TMEM108: variants seen among roughly 807,000 people sequenced by gnomAD.
The protein encoded by TMEM108 is cancer/testis antigen 124.
Under a neutral mutation model 35.1 loss-of-function variants are expected in TMEM108, and 12 were observed. That is an observed-to-expected ratio of 0.34 (90% CI 0.22 to 0.55). The LOEUF is 0.55. Ranked by LOEUF, TMEM108 falls within the 20% of genes least tolerant of loss-of-function variation. The probability of loss-of-function intolerance (pLI) is 0.89; values close to 1 mark genes in which losing one functional copy is unlikely to be tolerated. For missense variants in TMEM108, 680 were observed against 753.3 expected (o/e 0.90, Z 1.14); for synonymous variants, 287 against 308.6 (o/e 0.93, Z 0.73).
At chr3:133,306,842 G>A (rs1299847236) in intron 3 of TMEM108, among the ~76,000 whole-genome samples, 1 of 152,102 alleles carries the variant, frequency 6.6e-6, no homozygotes, top group African/African-American at 2.4e-5. Flanking sequence ...GTGTGTGTGT[G>A]TGTCTTTATA....
intron 2 of TMEM108, among the ~76,000 whole-genome samples, chr3:133,224,923 T>C (rs908224517): frequency 1.3e-5 from 2 of 152,172 alleles, no homozygotes; most frequent in African/African-American, 4.8e-5. Flanking sequence ...TGCTACCATC[T>C]TTTGGAGTTG....
At chr3:133,118,355 G>A (rs900692826) in intron 2 of TMEM108, among the ~76,000 whole-genome samples, 3 of 151,978 alleles carry the variant, frequency 2.0e-5, no homozygotes, top group Non-Finnish European at 2.9e-5. Context: ...TTTGCCATGT[G>A]TTCATTGAAA....
chr3:133,260,671 T>C (rs922223715), intron 3 of TMEM108, among the ~76,000 whole-genome samples: 36 of 152,140 alleles, frequency 2.4e-4, no homozygotes, highest in African/African-American at 8.5e-4. Flanking sequence ...TGGAAAATTC[T>C]AAACAGATAA....
At chr3:133,254,386 T>A (rs922738880) in intron 3 of TMEM108, among the ~76,000 whole-genome samples, 11 of 152,298 alleles carry the variant, frequency 7.2e-5, no homozygotes, top group African/African-American at 2.6e-4. Flanking sequence ...CTATTAAATA[T>A]GCAATATGAA....
intron 3 of TMEM108, among the ~76,000 whole-genome samples, chr3:133,293,422 G>A (rs1947100480): frequency 6.6e-6 from 1 of 150,640 alleles, no homozygotes; most frequent in African/African-American, 2.4e-5. Flanking sequence ...CAGGTTCTAT[G>A]TTAGGCTTGG....
chr3:133,352,206 T>C (rs1012915710), intron 3 of TMEM108, among the ~76,000 whole-genome samples: 2 of 152,168 alleles, frequency 1.3e-5, no homozygotes, highest in Admixed American at 6.5e-5. Flanking sequence ...CTGCCATACA[T>C]GCCCATGTGT....
rs1231981746 is a variant in TMEM108, at chr3:133,217,416, AG to A, written c.-46-11849del. ...TTGATTGTTTCTTTTGCTGTATAAA[AG>A]CTTGTTTGTTTGATGTAATCTGATT... On this transcript the variant is annotated intron_variant, in intron 2 of 5. Transcript: ENST00000321871. 3.9e-5 allele frequency among the ~76,000 whole-genome samples: 6 copies of A among 151,990 alleles called. No homozygotes were observed. In the East Asian group the frequency reaches 1.2e-3, roughly 29 times the overall value.
At chr3:133,175,506 G>A (rs1428260981) in intron 2 of TMEM108, among the ~76,000 whole-genome samples, 1 of 152,124 alleles carries the variant, frequency 6.6e-6, no homozygotes, top group Non-Finnish European at 1.5e-5. Flanking sequence ...GAAGAGAGTG[G>A]GGGCCAATAT....
intron 2 of TMEM108, among the ~76,000 whole-genome samples, chr3:133,100,762 A>G (rs972856113): frequency 6.6e-6 from 1 of 152,214 alleles, no homozygotes; most frequent in African/African-American, 2.4e-5. Flanking sequence ...TTTTTTTGTA[A>G]AAATCTTTTC....
At chr3:133,241,812 C>T (rs149118393) in intron 3 of TMEM108, among the ~76,000 whole-genome samples, 1,860 of 152,122 alleles carry the variant, frequency 0.012, 13 homozygotes, top group Admixed American at 0.021. Flanking sequence ...CAGAGTTTTA[C>T]CATGTTGGCC....
intron 2 of TMEM108, among the ~76,000 whole-genome samples, chr3:133,144,420 C>G (rs574941981): frequency 1.2e-4 from 19 of 152,236 alleles, no homozygotes; most frequent in African/African-American, 4.3e-4. Context: ...GTGAATAGTG[C>G]TGCAATAAAC....
In TMEM108 at chr3:133,397,664, T is replaced by A. The variant is rs1484246297; in HGVS notation, c.*1678T>A. 6.6e-6 allele frequency: 1 copy of A among 152,160 alleles called. No homozygotes were observed. The highest frequency in any genetic ancestry group is 1.5e-5 in the Non-Finnish European group (1 of 68,028). 9.4% of individuals were successfully genotyped at this position (152,160 alleles called of 1,614,324 possible). ...TAAAATTTATATATAATATATGTAA[T>A]CAAAGATACATATGTTATATATACA... On this transcript the variant is annotated 3_prime_UTR_variant, in exon 6 of 6. Transcript: ENST00000321871.
chr3:133,229,346 T>C lies in TMEM108; in HGVS notation c.35T>C (p.Leu12Pro). ...AGTTTACAGGCCCTCTATTGCCAAC[T>C]GTTAAGTAAGTTGACACTGTATTTC... The part of the protein sequence containing the change: ...KRSLQALYCQ[L>P]LSFLLILALT... Residue 12 changes from leucine to proline, a missense_variant, in exon 3 of 6, where the codon CTG (leucine) becomes CCG (proline). This residue lies in a region of TMEM108 where 49 missense variants were observed against 70.6 expected (regional missense o/e 0.69). Transcript: ENST00000321871. 1.9e-6 allele frequency: 3 copies of C among 1,613,136 alleles called. No individual in the cohort carries two copies. Among genetic ancestry groups the C allele is most frequent in the Non-Finnish European group, 2.5e-6 (3 of 1,179,468 alleles).
At chr3:133,220,906 G>C (rs985577233) in intron 2 of TMEM108, among the ~76,000 whole-genome samples, 3 of 152,128 alleles carry the variant, frequency 2.0e-5, no homozygotes, top group African/African-American at 4.8e-5. Flanking sequence ...GGCTCATAGA[G>C]CTCAGAAAGT....
At chr3:133,185,565 T>C (rs2107808290) in intron 2 of TMEM108, among the ~76,000 whole-genome samples, 2 of 150,268 alleles carry the variant, frequency 1.3e-5, no homozygotes. Flanking sequence ...GAAGGGAGAG[T>C]TGGTAAGCTT....
At chr3:133,043,807 C>T (rs1436719191) in intron 1 of TMEM108, among the ~76,000 whole-genome samples, 1 of 152,044 alleles carries the variant, frequency 6.6e-6, no homozygotes, top group Non-Finnish European at 1.5e-5. Context: ...TTATTTGTAC[C>T]CAGGGTTTAC....
At chr3:133,175,272 A>C (rs1384417905) in intron 2 of TMEM108, among the ~76,000 whole-genome samples, 1 of 152,242 alleles carries the variant, frequency 6.6e-6, no homozygotes, top group African/African-American at 2.4e-5. Context: ...ATCCAGGAGA[A>C]CTTCCCCAAC....
At chr3:133,047,803 C>T (rs1360886907) in intron 2 of TMEM108, among the ~76,000 whole-genome samples, 1 of 152,170 alleles carries the variant, frequency 6.6e-6, no homozygotes, top group African/African-American at 2.4e-5. Context: ...GTAAAATATA[C>T]ACACATAAAT....
intron 2 of TMEM108, among the ~76,000 whole-genome samples, chr3:133,097,372 T>C (rs1944028426): frequency 6.6e-6 from 1 of 152,222 alleles, no homozygotes; most frequent in Admixed American, 6.5e-5. Flanking sequence ...TTTAATGTTC[T>C]TCCTGTGGTA....
Sources: gnomAD v4.1 joint callset for allele counts (sites outside exome capture counted in the v4.1 genomes callset) on GRCh38, gnomAD v4.1.1 for gene constraint, gnomAD v4.1.1 regional missense constraint, MANE v1.5 for transcripts, NCBI Gene and HGNC (gene_info 2026-07-23, HGNC 2026-07-21) for gene names.